RSF1: variants seen among roughly 807,000 people sequenced by gnomAD.
RSF1 encodes the protein remodeling and spacing factor 1.
A neutral mutation model predicts 145.2 loss-of-function variants in RSF1; 13 were observed. That is an observed-to-expected ratio of 0.09 (90% confidence interval 0.06 to 0.14). The LOEUF (loss-of-function observed/expected upper bound fraction) is 0.14, where lower values mean the gene tolerates loss of function less well. RSF1 is among the 10% of genes least tolerant of loss of function. RSF1 has a pLI of 1.00. For synonymous variants in RSF1, 577 were observed against 592.6 expected, an observed-to-expected ratio of 0.97 and a Z score of 0.38; for missense variants, 1,517 against 1,718.2, an observed-to-expected ratio of 0.88 and a Z score of 2.07.
the RSF1 span, among the ~76,000 whole-genome samples, chr11:77,841,795 T>C: frequency 6.6e-6 from 1 of 152,180 alleles, no homozygotes; most frequent in Non-Finnish European, 1.5e-5. Context: ...TGCCAATCCA[T>C]AGCTTGCCTC....
chr11:77,747,540 C>T (rs1434319045), intron 2 of RSF1, among the ~76,000 whole-genome samples: 2 of 152,150 alleles, frequency 1.3e-5, no homozygotes, highest in African/African-American at 4.8e-5. Context: ...TACTTTTAAC[C>T]ACGCCTCTCT....
At chr11:77,751,026 TACCCC>T (rs533859300) in intron 2 of RSF1, among the ~76,000 whole-genome samples, 250 of 152,158 alleles carry the variant, frequency 1.6e-3, no homozygotes, top group Admixed American at 3.1e-3. Flanking sequence ...GCCATTCCAA[TACCCC>T]TTACATCTTT....
chr11:77,712,476 T>C (rs1177351673), intron 5 of RSF1, among the ~76,000 whole-genome samples: 1 of 152,174 alleles, frequency 6.6e-6, no homozygotes, highest in African/African-American at 2.4e-5. Flanking sequence ...ACTGGTGAGG[T>C]TAACTATTTG....
At chr11:77,755,705 G>C (rs906051927) in intron 2 of RSF1, among the ~76,000 whole-genome samples, 5 of 151,594 alleles carry the variant, frequency 3.3e-5, no homozygotes, top group African/African-American at 9.7e-5. Flanking sequence ...TCAGCCTCCC[G>C]AGTAGCTGGG....
chr11:77,714,502 T>G (rs1194818326), intron 5 of RSF1, among the ~76,000 whole-genome samples: 3 of 152,194 alleles, frequency 2.0e-5, no homozygotes, highest in Admixed American at 6.5e-5. Flanking sequence ...CTTTTCTTCC[T>G]TGCTTCCTTC....
At chr11:77,793,157 G>C (rs1259775667) in intron 1 of RSF1, among the ~76,000 whole-genome samples, 1 of 152,126 alleles carries the variant, frequency 6.6e-6, no homozygotes, top group African/African-American at 2.4e-5. Flanking sequence ...GTCTCCACTT[G>C]AAAGATACAA....
chr11:77,784,733 A>G (rs1017052979), intron 1 of RSF1, among the ~76,000 whole-genome samples: 13 of 152,206 alleles, frequency 8.5e-5, no homozygotes, highest in Non-Finnish European at 1.3e-4. Flanking sequence ...CAATGAATCA[A>G]TTGGGTTCTC....
At chr11:77,861,551 G>T in the RSF1 span, among the ~76,000 whole-genome samples, 2 of 152,230 alleles carry the variant, frequency 1.3e-5, no homozygotes, top group African/African-American at 4.8e-5. Context: ...GGATCATTTG[G>T]TTAATGGCTT....
At chr11:77,740,646 G>A in intron 4 of RSF1, 85 bp downstream of exon 4, 3 of 1,299,714 alleles carry the variant, frequency 2.3e-6, no homozygotes, top group Non-Finnish European at 3.3e-6. Flanking sequence ...AACCACTTCT[G>A]TCTGATAGAT....
intron 5 of RSF1, among the ~76,000 whole-genome samples, chr11:77,706,228 A>G (rs1960546142): frequency 6.9e-6 from 1 of 145,026 alleles, no homozygotes. Context: ...CGACAGAGTG[A>G]GACTCTGTCT....
At chr11:77,772,114 A>G (rs1284056884) in intron 1 of RSF1, among the ~76,000 whole-genome samples, 1 of 152,190 alleles carries the variant, frequency 6.6e-6, no homozygotes, top group East Asian at 1.9e-4. Context: ...CAGAAAGACA[A>G]TATGTACACA....
At chr11:77,841,527 G>C in the RSF1 span, among the ~76,000 whole-genome samples, 1 of 152,184 alleles carries the variant, frequency 6.6e-6, no homozygotes, top group Non-Finnish European at 1.5e-5. Flanking sequence ...GTGTACAGGG[G>C]AGTGCGTTCA....
At chr11:77,865,389 C>T in the RSF1 span, among the ~76,000 whole-genome samples, 2 of 152,144 alleles carry the variant, frequency 1.3e-5, no homozygotes, top group Admixed American at 1.3e-4. Flanking sequence ...TTCTGTTGCT[C>T]TATCATCTCC....
chr11:77,669,098 C>T (rs1018357482), intron 15 of RSF1, among the ~76,000 whole-genome samples: 1 of 152,180 alleles, frequency 6.6e-6, no homozygotes, highest in Non-Finnish European at 1.5e-5. Flanking sequence ...TTGGCAATTG[C>T]TCCTCCAATT....
intron 1 of RSF1, among the ~76,000 whole-genome samples, chr11:77,791,471 T>C (rs1165696480): frequency 6.6e-6 from 1 of 152,202 alleles, no homozygotes; most frequent in Non-Finnish European, 1.5e-5. Context: ...TTGTGCAAAT[T>C]TATGCAGCAG....
chr11:77,861,866 C>T, the RSF1 span, among the ~76,000 whole-genome samples: 1 of 152,138 alleles, frequency 6.6e-6, no homozygotes, highest in Non-Finnish European at 1.5e-5. Flanking sequence ...TTGCCAAGTT[C>T]AACAGGGTTT....
chr11:77,701,566 C>T lies in RSF1; in HGVS notation c.1663G>A (p.Ala555Thr). The T allele has an allele frequency of 1.2e-6, 2 of 1,613,990 alleles. No individual in the cohort carries two copies. Among genetic ancestry groups the T allele is most frequent in the South Asian group, 1.1e-5 (1 of 91,058 alleles). ...EMAKDLSSKT[A>T]LSSTESCTMK... The stretch of plus-strand genomic sequence containing the variant: ...GTACACGACTCGGTGGAAGATAAAG[C>T]AGTTTTTGAAGAGAGATCTTTTGCC... The change falls in exon 6 of 16, where the codon GCT becomes ACT. Residue 555 changes from alanine to threonine, a missense_variant. Ala to Thr is a moderately conservative substitution (Grantham distance 58). Coordinates refer to ENST00000308488, the MANE Select transcript of RSF1 (RefSeq NM_016578.4).
intron 5 of RSF1, among the ~76,000 whole-genome samples, chr11:77,706,677 T>G (rs1378909036): frequency 6.6e-6 from 1 of 152,118 alleles, no homozygotes; most frequent in Non-Finnish European, 1.5e-5. Flanking sequence ...TTTTTTTAAC[T>G]TTTACTTTAG....
At chr11:77,758,859 C>T (rs565601378) in intron 2 of RSF1, among the ~76,000 whole-genome samples, 43 of 115,804 alleles carry the variant, frequency 3.7e-4, no homozygotes, top group African/African-American at 1.1e-3. Context: ...ATTTGCAATA[C>T]GTGCAATTTG....
Sources: gnomAD v4.1 joint callset for allele counts (sites outside exome capture counted in the v4.1 genomes callset) on GRCh38, gnomAD v4.1.1 for gene constraint, MANE v1.5 for transcripts, NCBI Gene and HGNC (gene_info 2026-07-23, HGNC 2026-07-21) for gene names.